CEP350: variants seen among roughly 807,000 people sequenced by gnomAD.
CEP350 encodes the protein centrosome-associated protein 350.
In CEP350, 126 loss-of-function variants were observed where a neutral mutation model predicts 331.8. The ratio of observed to expected loss-of-function variants is 0.38; its 90% confidence interval spans 0.33 to 0.44. The LOEUF (loss-of-function observed/expected upper bound fraction) is 0.44, where lower values mean the gene tolerates loss of function less well. CEP350 is among the 20% of genes least tolerant of loss of function. CEP350 has a pLI of 1.00. For missense variants in CEP350, 3,406 were observed against 3,634.6 expected (o/e 0.94, Z 1.62); for synonymous variants, 1,200 against 1,259.5 (o/e 0.95, Z 1.00).
intron 27 of CEP350, among the ~76,000 whole-genome samples, chr1:180,071,670 C>G (rs1006335871): frequency 2.6e-5 from 4 of 151,766 alleles, no homozygotes; most frequent in African/African-American, 7.3e-5. Flanking sequence ...TTAACCCCAG[C>G]TACTTCAGAG....
At chr1:180,096,972 T>C (rs1660513716) in intron 36 of CEP350, among the ~76,000 whole-genome samples, 1 of 152,132 alleles carries the variant, frequency 6.6e-6, no homozygotes, top group Non-Finnish European at 1.5e-5. Flanking sequence ...CAAGTCATGC[T>C]GGTCCTGCTG....
intron 27 of CEP350, among the ~76,000 whole-genome samples, chr1:180,065,653 G>A (rs1658503940): frequency 6.6e-6 from 1 of 151,768 alleles, no homozygotes; most frequent in Admixed American, 6.6e-5. Context: ...TGCCATGTGG[G>A]AGGCTGAGGT....
intron 16 of CEP350, 82 bp downstream of exon 16, chr1:180,034,164 TGA>T: frequency 7.1e-7 from 1 of 1,411,020 alleles, no homozygotes; most frequent in Non-Finnish European, 9.6e-7. Flanking sequence ...TTGTTTGAGT[TGA>T]GTCATAGAGA....
intron 1 of CEP350, chr1:179,969,106 C>T: frequency 1.5e-6 from 1 of 676,780 alleles, no homozygotes; most frequent in Non-Finnish European, 2.8e-6. Flanking sequence ...GCTGTGTGGA[C>T]ATTGCCATCC....
chr1:179,960,143 C>G (rs1650478547), intron 1 of CEP350, among the ~76,000 whole-genome samples: 1 of 152,186 alleles, frequency 6.6e-6, no homozygotes, highest in South Asian at 2.1e-4. Context: ...AGATAGGCTG[C>G]CATTCCATTG....
intron 1 of CEP350, among the ~76,000 whole-genome samples, chr1:179,978,416 A>G (rs867809521): frequency 1.4e-4 from 21 of 152,148 alleles, no homozygotes; most frequent in African/African-American, 5.1e-4. Context: ...TCTTCTGTCA[A>G]CTTGAAAATA....
chr1:180,056,804 A>G (rs533810768), intron 25 of CEP350, among the ~76,000 whole-genome samples: 7 of 151,986 alleles, frequency 4.6e-5, no homozygotes, highest in African/African-American at 1.4e-4. Context: ...AGGGACTTCA[A>G]TTAGACATAG....
intron 4 of CEP350, among the ~76,000 whole-genome samples, chr1:179,991,667 A>ATATGTGTGTG (rs1553252542): frequency 3.9e-4 from 35 of 90,210 alleles, no homozygotes; most frequent in Admixed American, 5.4e-4. Flanking sequence ...ATATATATAT[A>ATATGTGTGTG]TGTGTGTGTG....
intron 16 of CEP350, among the ~76,000 whole-genome samples, chr1:180,034,380 A>G (rs1364285728): frequency 1.3e-5 from 2 of 152,276 alleles, no homozygotes; most frequent in South Asian, 2.1e-4. Context: ...GTACGCATGC[A>G]CACACATAGA....
At chr1:179,969,001 C>G in intron 1 of CEP350, 1 of 756,424 alleles carries the variant, frequency 1.3e-6, no homozygotes, top group Non-Finnish European at 2.4e-6. Context: ...CTTCCGGGAG[C>G]CATGGCTTGT....
intron 30 of CEP350, among the ~76,000 whole-genome samples, chr1:180,081,846 T>C (rs1019763728): frequency 2.0e-5 from 3 of 152,238 alleles, no homozygotes; most frequent in Non-Finnish European, 4.4e-5. Flanking sequence ...TAAAAATTCT[T>C]TTTGTATATT....
intron 37 of CEP350, among the ~76,000 whole-genome samples, chr1:180,101,346 C>G (rs74619430): frequency 2.0e-5 from 3 of 151,886 alleles, no homozygotes; most frequent in Admixed American, 6.6e-5. Flanking sequence ...ACAAGAAATG[C>G]TAAATGAACT....
chr1:179,982,097 C>T (rs1380125373), intron 1 of CEP350, among the ~76,000 whole-genome samples: 4 of 152,166 alleles, frequency 2.6e-5, no homozygotes, highest in African/African-American at 9.7e-5. Flanking sequence ...TGAAAAAGCA[C>T]ATAAATGTGC....
At chr1:180,032,650 A>G (rs1449604594) in intron 15 of CEP350, among the ~76,000 whole-genome samples, 1 of 146,346 alleles carries the variant, frequency 6.8e-6, no homozygotes, top group African/African-American at 2.5e-5. Flanking sequence ...TTTTTTTCCT[A>G]TTTGCCTGTA....
At chr1:180,098,621 G>C (rs1660625740) in intron 36 of CEP350, among the ~76,000 whole-genome samples, 1 of 152,238 alleles carries the variant, frequency 6.6e-6, no homozygotes, top group African/African-American at 2.4e-5. Flanking sequence ...TGGGATTACA[G>C]ACGTGAGTCA....
intron 27 of CEP350, chr1:180,073,688 C>A: frequency 1.2e-6 from 1 of 844,302 alleles, no homozygotes; most frequent in South Asian, 1.7e-5. Flanking sequence ...CTTCAGGAAG[C>A]ATATTAAAAG....
At chr1:180,108,721 G>C (rs1661297838) in intron 37 of CEP350, among the ~76,000 whole-genome samples, 1 of 152,178 alleles carries the variant, frequency 6.6e-6, no homozygotes, top group Non-Finnish European at 1.5e-5. Context: ...GTATTTCGTA[G>C]ATACCCATGA....
At chr1:180,064,370 C>T (rs1276888463) in intron 26 of CEP350, among the ~76,000 whole-genome samples, 1 of 152,090 alleles carries the variant, frequency 6.6e-6, no homozygotes, top group East Asian at 1.9e-4. Flanking sequence ...GCCCGCCTTG[C>T]TCTGTCGCAT....
At chr1:180,066,893 A>G (rs552584087) in intron 27 of CEP350, among the ~76,000 whole-genome samples, 17 of 152,014 alleles carry the variant, frequency 1.1e-4, no homozygotes, top group Non-Finnish European at 2.2e-4. Flanking sequence ...TAGATCTGCT[A>G]CAAATGTCTT....
Sources: gnomAD v4.1 joint callset for allele counts (sites outside exome capture counted in the v4.1 genomes callset) on GRCh38, gnomAD v4.1.1 for gene constraint, MANE v1.5 for transcripts, NCBI Gene and HGNC (gene_info 2026-07-23, HGNC 2026-07-21) for gene names.